LRRC37A2: variants seen among roughly 807,000 people sequenced by gnomAD.
LRRC37A2 encodes leucine rich repeat containing 37 member A2.
Under a neutral mutation model 68.8 loss-of-function variants are expected in LRRC37A2, and 9 were observed. The ratio of observed to expected loss-of-function variants is 0.13; its 90% confidence interval spans 0.08 to 0.23. The LOEUF (loss-of-function observed/expected upper bound fraction) is 0.23. LRRC37A2 is among the 10% of genes least tolerant of loss of function. The probability of loss-of-function intolerance (pLI) is 1.00; values close to 1 mark genes in which losing one functional copy is unlikely to be tolerated. For missense variants in LRRC37A2, 168 were observed against 950.4 expected, an observed-to-expected ratio of 0.18 and a Z score of 10.82; for synonymous variants, 63 against 367.6, an observed-to-expected ratio of 0.17 and a Z score of 9.48.
At chr17:46,992,853 CAAAAAAAAAAAAAAAA>C in the LRRC37A2 span, among the ~76,000 whole-genome samples, 1 of 65,166 alleles carries the variant, frequency 1.5e-5, no homozygotes, top group African/African-American at 7.1e-5. Flanking sequence ...AACTCCATCT[CAAAAAAAAAAAAAAAA>C]AAAAAAAAGA....
chr17:46,543,910 A>G (rs1346748063), intron 8 of LRRC37A2, among the ~76,000 whole-genome samples: 1 of 148,108 alleles, frequency 6.8e-6, no homozygotes, highest in Non-Finnish European at 1.5e-5. Flanking sequence ...TGTGCCCAGG[A>G]GTTCGAGACC....
chr17:46,802,115 C>A, the LRRC37A2 span, among the ~76,000 whole-genome samples: 1 of 152,158 alleles, frequency 6.6e-6, no homozygotes, highest in Admixed American at 6.5e-5. Flanking sequence ...AGTTTCCCAG[C>A]GTACAACTCC....
At chr17:46,977,269 C>T in the LRRC37A2 span, among the ~76,000 whole-genome samples, 2 of 152,242 alleles carry the variant, frequency 1.3e-5, no homozygotes, top group South Asian at 2.1e-4. Context: ...TTATTCTTCA[C>T]TCCCACCCAC....
At chr17:46,838,202 C>T in the LRRC37A2 span, among the ~76,000 whole-genome samples, 693 of 152,082 alleles carry the variant, frequency 4.6e-3, 9 homozygotes, top group African/African-American at 0.016. Context: ...AATTCAGGCT[C>T]TTGCCATCCC....
At chr17:46,848,443 C>A in the LRRC37A2 span, among the ~76,000 whole-genome samples, 4 of 152,222 alleles carry the variant, frequency 2.6e-5, no homozygotes, top group Admixed American at 2.6e-4. Context: ...CAGGCCAGCC[C>A]TTCAGGAGCC....
the LRRC37A2 span, among the ~76,000 whole-genome samples, chr17:46,489,862 G>C: frequency 6.6e-6 from 1 of 150,954 alleles, no homozygotes; most frequent in East Asian, 1.9e-4. Flanking sequence ...CTTGGATACT[G>C]ACTAGGCCCA....
the LRRC37A2 span, among the ~76,000 whole-genome samples, chr17:47,021,313 A>T: frequency 7.5e-6 from 1 of 133,010 alleles, no homozygotes; most frequent in Non-Finnish European, 1.6e-5. Flanking sequence ...TCAGGGAGAC[A>T]AAATAGAAAG....
chr17:46,962,473 G>C, the LRRC37A2 span, among the ~76,000 whole-genome samples: 1 of 152,196 alleles, frequency 6.6e-6, no homozygotes, highest in African/African-American at 2.4e-5. Flanking sequence ...TAATAAACAG[G>C]ATGTGGCAGA....
the LRRC37A2 span, chr17:46,924,583 A>C: frequency 6.6e-6 from 1 of 152,368 alleles, no homozygotes; most frequent in East Asian, 1.9e-4. Context: ...CATGAGGAAT[A>C]AGAGGGTGAT....
At chr17:46,857,627 GA>G in the LRRC37A2 span, among the ~76,000 whole-genome samples, 1 of 152,170 alleles carries the variant, frequency 6.6e-6, no homozygotes, top group African/African-American at 2.4e-5. Flanking sequence ...TGTTGGATCA[GA>G]TGGTTGATAT....
the LRRC37A2 span, among the ~76,000 whole-genome samples, chr17:46,943,704 A>G: frequency 3.3e-5 from 5 of 152,194 alleles, no homozygotes; most frequent in Non-Finnish European, 7.3e-5. Flanking sequence ...CAGCCAGGCC[A>G]GGAGGAAGCC....
At chr17:46,966,071 A>T in the LRRC37A2 span, among the ~76,000 whole-genome samples, 1 of 152,136 alleles carries the variant, frequency 6.6e-6, no homozygotes, top group Non-Finnish European at 1.5e-5. Flanking sequence ...TACTTATAAT[A>T]TGTCTAACGA....
chr17:46,871,352 C>A, the LRRC37A2 span, among the ~76,000 whole-genome samples: 1 of 152,268 alleles, frequency 6.6e-6, no homozygotes. Context: ...ACCAGCAGAG[C>A]CATCTCACAG....
the LRRC37A2 span, among the ~76,000 whole-genome samples, chr17:46,832,352 G>A: frequency 3.4e-5 from 5 of 149,108 alleles, no homozygotes; most frequent in Non-Finnish European, 7.4e-5. Flanking sequence ...AAGTGGCTGG[G>A]AGGGAAGTTT....
At chr17:46,717,657 A>G in the LRRC37A2 span, among the ~76,000 whole-genome samples, 1 of 152,200 alleles carries the variant, frequency 6.6e-6, no homozygotes, top group African/African-American at 2.4e-5. Context: ...GGTTGCAGTG[A>G]GCTGAGAGCA....
At chr17:46,779,103 A>ACACACACACACACACACACACACACCCCC in the LRRC37A2 span, among the ~76,000 whole-genome samples, 1 of 133,590 alleles carries the variant, frequency 7.5e-6, no homozygotes, top group African/African-American at 2.8e-5. Context: ...ACACACACAC[A>ACACACACACACACACACACACACACCCCC]CCCCAGCCCA....
At chr17:46,862,956 C>G in the LRRC37A2 span, among the ~76,000 whole-genome samples, 3 of 152,232 alleles carry the variant, frequency 2.0e-5, no homozygotes, top group Admixed American at 6.5e-5. Context: ...CCAGGCTACC[C>G]AAGCACAGAT....
chr17:46,770,942 C>A, the LRRC37A2 span, among the ~76,000 whole-genome samples: 1 of 152,270 alleles, frequency 6.6e-6, no homozygotes, highest in Admixed American at 6.5e-5. Context: ...ATGGCAGGAC[C>A]CGGGAGCCGG....
the LRRC37A2 span, chr17:46,978,911 C>A: frequency 6.8e-7 from 1 of 1,474,346 alleles, no homozygotes; most frequent in Non-Finnish European, 8.9e-7. Flanking sequence ...AGCCACGTGC[C>A]CAGCCCGTGG....
Sources: gnomAD v4.1 joint callset for allele counts (sites outside exome capture counted in the v4.1 genomes callset) on GRCh38, gnomAD v4.1.1 for gene constraint, MANE v1.5 for transcripts, NCBI Gene and HGNC (gene_info 2026-07-23, HGNC 2026-07-21) for gene names.